Variants in LMNTD1 observed in about 807,000 individuals in gnomAD.
The protein encoded by LMNTD1 is lamin tail domain-containing protein 1.
A neutral mutation model predicts 50.9 loss-of-function variants in LMNTD1; 35 were observed. The ratio of observed to expected loss-of-function variants is 0.69; its 90% CI spans 0.53 to 0.91. The LOEUF (loss-of-function observed/expected upper bound fraction) is 0.91, where lower values mean the gene tolerates loss of function less well. Ranked by LOEUF, LMNTD1 falls within the 40% of genes least tolerant of loss-of-function variation. The pLI, the probability that LMNTD1 is intolerant of heterozygous loss-of-function variation, is 0.00. For missense variants in LMNTD1, 470 were observed against 475.5 expected (o/e 0.99, Z 0.11); for synonymous variants, 153 against 161.9 (o/e 0.94, Z 0.42).
chr12:25,564,171 C>T (rs928588186), intron 1 of LMNTD1, among the ~76,000 whole-genome samples: 12 of 152,190 alleles, frequency 7.9e-5, no homozygotes, highest in African/African-American at 1.4e-4. Flanking sequence ...GAGATGAACC[C>T]GGTACCTCAG....
intron 1 of LMNTD1, among the ~76,000 whole-genome samples, chr12:25,637,052 T>A (rs1946850814): frequency 6.6e-6 from 1 of 152,110 alleles, no homozygotes; most frequent in South Asian, 2.1e-4. Context: ...ACTGCTTAGG[T>A]GATGGGTGCA....
chr12:25,511,874 G>A (rs1383741242), intron 8 of LMNTD1, among the ~76,000 whole-genome samples: 1 of 152,086 alleles, frequency 6.6e-6, no homozygotes, highest in African/African-American at 2.4e-5. Context: ...GCCTCCTTGT[G>A]CTTTTAATAT....
intron 1 of LMNTD1, among the ~76,000 whole-genome samples, chr12:25,598,856 A>G (rs938792308): frequency 2.0e-5 from 3 of 152,028 alleles, no homozygotes; most frequent in Non-Finnish European, 4.4e-5. Flanking sequence ...GAAGCCATAA[A>G]AAAAATGTCT....
intron 1 of LMNTD1, among the ~76,000 whole-genome samples, chr12:25,594,651 C>CAAAAAAAAAAAAAAAAAAAA (rs61299586): frequency 8.6e-5 from 6 of 69,902 alleles, no homozygotes; most frequent in East Asian, 4.1e-4. Flanking sequence ...AACAGAAATA[C>CAAAAAAAAAAAAAAAAAAAA]AAAAAAAAAA....
At chr12:25,578,117 A>G (rs1185196495) in intron 1 of LMNTD1, among the ~76,000 whole-genome samples, 1 of 152,194 alleles carries the variant, frequency 6.6e-6, no homozygotes, top group Non-Finnish European at 1.5e-5. Context: ...CTAAGAAGAC[A>G]TTCTATGTTA....
In LMNTD1 at chr12:25,560,665, CCTAT is replaced by C. The variant is rs566703446; in HGVS notation, c.59-14115_59-14112del. ...AGCCATTTTCACAATATTGATTCTT[CCTAT>C]CCATGAGCACCAAATCTTCTTCCAT... On this transcript the variant is annotated intron_variant, in intron 1 of 7. Transcript: ENST00000445693. 4.7e-3 allele frequency among the ~76,000 whole-genome samples: 709 copies of C among 152,318 alleles called. 8 individuals carry two copies. Among genetic ancestry groups the C allele is most frequent in the African/African-American group, 0.016 (674 of 41,558 alleles).
intron 1 of LMNTD1, among the ~76,000 whole-genome samples, chr12:25,558,987 C>CA (rs1944159218): frequency 6.7e-6 from 1 of 148,778 alleles, no homozygotes. Context: ...TTGAGACAGT[C>CA]TTTTTTTTTA....
chr12:25,552,575 C>T (rs1053392777), intron 2 of LMNTD1, among the ~76,000 whole-genome samples: 154 of 18,190 alleles, frequency 8.5e-3, no homozygotes, highest in African/African-American at 0.012. Flanking sequence ...CCACTGCACT[C>T]TGTCTGAAAA....
chr12:25,492,716 T>C (rs1026031651), intron 9 of LMNTD1, among the ~76,000 whole-genome samples: 6 of 152,248 alleles, frequency 3.9e-5, no homozygotes, highest in Non-Finnish European at 4.4e-5. Flanking sequence ...TTGAGGTTTC[T>C]TAGAAAAATA....
chr12:25,629,484 A>G (rs140492449), intron 1 of LMNTD1, among the ~76,000 whole-genome samples: 137 of 152,320 alleles, frequency 9.0e-4, no homozygotes, highest in African/African-American at 3.2e-3. Flanking sequence ...ACCAAGAGAA[A>G]CAATCCAAGA....
intron 1 of LMNTD1, among the ~76,000 whole-genome samples, chr12:25,575,347 CT>C (rs1944960489): frequency 6.6e-6 from 1 of 152,144 alleles, no homozygotes; most frequent in South Asian, 2.1e-4. Flanking sequence ...GATGAAAAAC[CT>C]CTAGAAGAGA....
intron 1 of LMNTD1, among the ~76,000 whole-genome samples, chr12:25,560,751 C>T (rs892213703): frequency 6.6e-6 from 1 of 151,784 alleles, no homozygotes; most frequent in African/African-American, 2.4e-5. Flanking sequence ...CCTTCACATC[C>T]CTTATAAGTT....
At chr12:25,527,679 TATACACACACACACAC>T (rs1941889179) in intron 4 of LMNTD1, among the ~76,000 whole-genome samples, 1 of 19,262 alleles carries the variant, frequency 5.2e-5, no homozygotes, top group East Asian at 5.4e-3. Flanking sequence ...TATATATATA[TATACACACACACACAC>T]ACACACACAC....
rs1295484814 is a variant in LMNTD1, at chr12:25,549,332, T to C, written c.304A>G (p.Ser102Gly). The C allele has an allele frequency of 6.2e-7, 1 of 1,600,298 alleles. No homozygotes were observed. The highest frequency in any genetic ancestry group is 8.5e-7 in the Non-Finnish European group (1 of 1,171,884). ...TVGSCSRVEN[S>G]LDASPFSVPK... ...GGTTCCATATTTTGCTTACCCAAGC[T>C]GTTTTCCACTCTGGAACAGCTACCT... Residue 102 changes from serine to glycine, a missense_variant, in exon 3 of 10, where the codon AGC (serine) becomes GGC (glycine). Transcript: ENST00000458174.
At chr12:25,487,530 CTGCACGTGAG>C (rs1483184417) in intron 9 of LMNTD1, among the ~76,000 whole-genome samples, 1 of 142,910 alleles carries the variant, frequency 7.0e-6, no homozygotes, top group Non-Finnish European at 1.5e-5. Context: ...ATGTGTGTCT[CTGCACGTGAG>C]ATGGGTTTCC....
intron 1 of LMNTD1, among the ~76,000 whole-genome samples, chr12:25,641,673 C>T (rs1946961400): frequency 6.6e-6 from 1 of 151,996 alleles, no homozygotes; most frequent in Non-Finnish European, 1.5e-5. Context: ...CAAGGGTAAA[C>T]ATTTAAAGTG....
At chr12:25,524,975 T>G (rs901286806) in intron 6 of LMNTD1, among the ~76,000 whole-genome samples, 14 of 152,144 alleles carry the variant, frequency 9.2e-5, no homozygotes, top group Non-Finnish European at 1.6e-4. Context: ...AAAGGGAAAG[T>G]CCATCTCAAC....
upstream of LMNTD1, chr12:25,553,351 CA>C (rs1439879648): frequency 1.1e-6 from 1 of 912,840 alleles, no homozygotes. Context: ...AACCAAGTTC[CA>C]GTTTCTGAAC....
intron 1 of LMNTD1, among the ~76,000 whole-genome samples, chr12:25,577,529 A>AT (rs1945082682): frequency 1.3e-5 from 2 of 152,150 alleles, no homozygotes; most frequent in Non-Finnish European, 2.9e-5. Context: ...TTGCACATTG[A>AT]TTTTGTACCC....
Sources: gnomAD v4.1 joint callset for allele counts (sites outside exome capture counted in the v4.1 genomes callset) on GRCh38, gnomAD v4.1.1 for gene constraint, MANE v1.5 for transcripts, NCBI Gene and HGNC (gene_info 2026-07-23, HGNC 2026-07-21) for gene names.